The following GHR variants were observed in gnomAD, a reference collection of about 807,000 sequenced individuals.
GHR encodes GH receptor.
Under a neutral mutation model 67.1 loss-of-function variants are expected in GHR, and 35 were observed. That is an observed-to-expected ratio of 0.52 (90% CI 0.40 to 0.69). GHR has a LOEUF of 0.69. Ranked by LOEUF, GHR falls within the 30% of genes least tolerant of loss-of-function variation. The pLI, the probability that GHR is intolerant of heterozygous loss-of-function variation, is 0.00. For synonymous variants in GHR, 272 were observed against 269.1 expected (o/e 1.01, Z -0.10); for missense variants, 792 against 764.6 (o/e 1.04, Z -0.42).
chr5:42,472,657 G>T, intron 1 of GHR, among the ~76,000 whole-genome samples: 1 of 152,204 alleles, frequency 6.6e-6, no homozygotes, highest in East Asian at 1.9e-4. Flanking sequence ...TGGTGGATGG[G>T]TGACTAAGGC....
chr5:42,460,768 A>C (rs927282119), intron 1 of GHR, among the ~76,000 whole-genome samples: 1 of 152,226 alleles, frequency 6.6e-6, no homozygotes, highest in Non-Finnish European at 1.5e-5. Flanking sequence ...AAAAATGTTT[A>C]ATAATGAAGG....
intron 1 of GHR, among the ~76,000 whole-genome samples, chr5:42,563,596 G>T (rs954657861): frequency 3.2e-4 from 44 of 137,224 alleles, no homozygotes; most frequent in African/African-American, 1.2e-3. Flanking sequence ...CCGCAGTCCC[G>T]CCTGGGCGAC....
At chr5:42,535,783 C>A (rs533982946) in intron 1 of GHR, among the ~76,000 whole-genome samples, 27 of 152,254 alleles carry the variant, frequency 1.8e-4, no homozygotes, top group Middle Eastern at 3.4e-3. Flanking sequence ...TTCTACCTAT[C>A]CATGAGCATG....
At chr5:42,603,733 G>A (rs1752489391) in intron 2 of GHR, among the ~76,000 whole-genome samples, 1 of 152,178 alleles carries the variant, frequency 6.6e-6, no homozygotes, top group Admixed American at 6.5e-5. Flanking sequence ...TGTGTGTTTA[G>A]GGAAGGGGTG....
At chr5:42,451,174 G>T (rs546920439) in intron 1 of GHR, among the ~76,000 whole-genome samples, 1 of 152,258 alleles carries the variant, frequency 6.6e-6, no homozygotes, top group East Asian at 1.9e-4. Flanking sequence ...TAAGCCCATT[G>T]TTTCTTTGTT....
At chr5:42,660,546 G>C (rs1239021967) in intron 3 of GHR, among the ~76,000 whole-genome samples, 4 of 152,184 alleles carry the variant, frequency 2.6e-5, no homozygotes, top group Non-Finnish European at 5.9e-5. Flanking sequence ...CTGCAGCTGA[G>C]GGTCCTGTCT....
At chr5:42,441,740 A>T (rs555280095) in intron 1 of GHR, among the ~76,000 whole-genome samples, 1 of 152,202 alleles carries the variant, frequency 6.6e-6, no homozygotes, top group South Asian at 2.1e-4. Flanking sequence ...CGATCTCCTG[A>T]CCTCATGATT....
chr5:42,549,244 TG>T (rs1403212037), intron 1 of GHR, among the ~76,000 whole-genome samples: 1 of 152,224 alleles, frequency 6.6e-6, no homozygotes, highest in Non-Finnish European at 1.5e-5. Context: ...TCTATCTCAA[TG>T]GAAAGTATTC....
chr5:42,486,172 A>T (rs960445954), intron 1 of GHR, among the ~76,000 whole-genome samples: 1 of 152,180 alleles, frequency 6.6e-6, no homozygotes, highest in African/African-American at 2.4e-5. Flanking sequence ...GATTTAGGCC[A>T]TCCTCTGCAA....
At chr5:42,680,752 G>A (rs553449524) in intron 3 of GHR, among the ~76,000 whole-genome samples, 9 of 152,048 alleles carry the variant, frequency 5.9e-5, no homozygotes, top group South Asian at 4.2e-4. Flanking sequence ...TAATCCACCC[G>A]CCTCAGCCTC....
At chr5:42,476,105 C>T (rs1349229792) in intron 1 of GHR, among the ~76,000 whole-genome samples, 3 of 151,772 alleles carry the variant, frequency 2.0e-5, no homozygotes, top group Admixed American at 6.6e-5. Flanking sequence ...GCGGTTTCAC[C>T]GTGTTAGCCA....
intron 1 of GHR, among the ~76,000 whole-genome samples, chr5:42,452,806 T>C (rs899088270): frequency 1.3e-5 from 2 of 152,162 alleles, no homozygotes; most frequent in African/African-American, 4.8e-5. Context: ...TTTGTACTAG[T>C]TTTTAAATTT....
At chr5:42,605,425 T>C (rs1277823629) in intron 2 of GHR, among the ~76,000 whole-genome samples, 1 of 152,084 alleles carries the variant, frequency 6.6e-6, no homozygotes, top group African/African-American at 2.4e-5. Context: ...TCTTAAACTT[T>C]TGTGCTTATT....
At chr5:42,548,033 A>G in intron 1 of GHR, 2 of 962,096 alleles carry the variant, frequency 2.1e-6, no homozygotes, top group Non-Finnish European at 2.5e-6. Flanking sequence ...GCTGAGTTCT[A>G]ACGCTTAGCC....
At chr5:42,637,437 A>G (rs899815507) in intron 3 of GHR, among the ~76,000 whole-genome samples, 3 of 151,874 alleles carry the variant, frequency 2.0e-5, no homozygotes, top group Non-Finnish European at 2.9e-5. Context: ...ATGTTTTTCA[A>G]CTCACACCCC....
intron 2 of GHR, among the ~76,000 whole-genome samples, chr5:42,628,073 C>T (rs1753793593): frequency 6.6e-6 from 1 of 152,154 alleles, no homozygotes; most frequent in African/African-American, 2.4e-5. Context: ...CAGGCAAGCT[C>T]CTCTCAGCGT....
At chr5:42,426,495 T>C (rs1742858826) in intron 1 of GHR, among the ~76,000 whole-genome samples, 2 of 152,244 alleles carry the variant, frequency 1.3e-5, no homozygotes, top group Admixed American at 6.5e-5. Context: ...GGAATTTGGT[T>C]TGCTTTTAAA....
intron 4 of GHR, among the ~76,000 whole-genome samples, chr5:42,693,143 T>A (rs759839423): frequency 1.9e-4 from 4 of 21,262 alleles, no homozygotes; most frequent in Non-Finnish European, 8.2e-4. Context: ...CATATGCAAC[T>A]TTTTTTTTTT....
chr5:42,565,242 C>T (rs963414797), intron 1 of GHR, among the ~76,000 whole-genome samples: 4 of 152,268 alleles, frequency 2.6e-5, no homozygotes, highest in Non-Finnish European at 5.9e-5. Flanking sequence ...GAAAATAAAA[C>T]CTCTCTACGA....
Sources: allele counts gnomAD v4.1 joint callset (sites outside exome capture counted in the v4.1 genomes callset), GRCh38; gene constraint gnomAD v4.1.1; transcripts MANE v1.5; gene names NCBI Gene and HGNC (gene_info 2026-07-23, HGNC 2026-07-21).